Variants in MCCC1 observed in about 807,000 individuals in gnomAD.
MCCC1 encodes methylcrotonyl-CoA carboxylase subunit 1.
MCCC1 carries 64 observed loss-of-function variants against 83.8 expected under a neutral mutation model. That is an observed-to-expected ratio of 0.76 (90% CI 0.62 to 0.94). The LOEUF is 0.94. MCCC1 is among the 40% of genes least tolerant of loss of function. The pLI is 0.00. For synonymous variants in MCCC1, 322 were observed against 315.4 expected, an observed-to-expected ratio of 1.02 and a Z score of -0.22; for missense variants, 807 against 904.7, an observed-to-expected ratio of 0.89 and a Z score of 1.39.
intron 1 of MCCC1, among the ~76,000 whole-genome samples, chr3:183,105,158 A>G (rs1172740604): frequency 6.6e-6 from 1 of 152,154 alleles, no homozygotes; most frequent in Non-Finnish European, 1.5e-5. Flanking sequence ...TATCCTGACC[A>G]ACATGGAGAA....
intron 8 of MCCC1, among the ~76,000 whole-genome samples, chr3:183,052,741 C>T (rs144890624): frequency 0.025 from 3,256 of 130,834 alleles, 121 homozygotes; most frequent in African/African-American, 0.089. Context: ...CCCTGGGAGG[C>T]GGAGCTTGCA....
chr3:183,033,648 CA>C (rs879528579), intron 14 of MCCC1, among the ~76,000 whole-genome samples: 26 of 145,232 alleles, frequency 1.8e-4, no homozygotes, highest in Admixed American at 2.7e-4. Context: ...AATTGCAAAG[CA>C]AAAAAAAAAG....
chr3:183,031,902 C>G (rs1164419385), intron 14 of MCCC1, among the ~76,000 whole-genome samples: 2 of 151,748 alleles, frequency 1.3e-5, no homozygotes, highest in East Asian at 1.9e-4. Flanking sequence ...CTCCTGCCCT[C>G]AAGCAATCCT....
At chr3:183,043,657 T>C (rs554760537) in intron 10 of MCCC1, among the ~76,000 whole-genome samples, 1 of 152,282 alleles carries the variant, frequency 6.6e-6, no homozygotes, top group East Asian at 1.9e-4. Context: ...TGCCTTGAAC[T>C]CTATAAACCA....
chr3:183,067,575 T>G (rs1577323093), intron 7 of MCCC1, among the ~76,000 whole-genome samples: 1 of 152,340 alleles, frequency 6.6e-6, no homozygotes, highest in East Asian at 1.9e-4. Context: ...TCTCATCAGT[T>G]GTTTTTGAGA....
chr3:183,069,982 A>C (rs1281867308), intron 7 of MCCC1, among the ~76,000 whole-genome samples: 1 of 152,220 alleles, frequency 6.6e-6, no homozygotes, highest in Non-Finnish European at 1.5e-5. Flanking sequence ...CAGCTGAGTG[A>C]CCTCAGAAAA....
intron 4 of MCCC1, among the ~76,000 whole-genome samples, chr3:183,078,299 G>A (rs1577339447): frequency 6.6e-6 from 1 of 152,182 alleles, no homozygotes; most frequent in South Asian, 2.1e-4. Context: ...GGGATTACAG[G>A]TGTGAGCCAC....
chr3:183,095,446 ACAGGGG>A, intron 1 of MCCC1, among the ~76,000 whole-genome samples: 1 of 152,350 alleles, frequency 6.6e-6, no homozygotes, highest in South Asian at 2.1e-4. Flanking sequence ...CGGAAGTTAA[ACAGGGG>A]CAACAGAAAG....
At chr3:183,050,018 G>A (rs1714841749) in intron 9 of MCCC1, among the ~76,000 whole-genome samples, 1 of 152,132 alleles carries the variant, frequency 6.6e-6, no homozygotes, top group Non-Finnish European at 1.5e-5. Flanking sequence ...TACTTGGGAG[G>A]CTGAGGTGGG....
chr3:183,112,963 C>T (rs544171590), intron 1 of MCCC1, among the ~76,000 whole-genome samples: 7 of 151,896 alleles, frequency 4.6e-5, no homozygotes, highest in African/African-American at 1.2e-4. Context: ...CGGTGGCTCA[C>T]GCCTGTAATC....
intron 1 of MCCC1, among the ~76,000 whole-genome samples, chr3:183,111,864 T>G (rs1368112400): frequency 1.3e-5 from 2 of 152,236 alleles, no homozygotes; most frequent in Admixed American, 1.3e-4. Context: ...ATTTTTATCT[T>G]ATAATTATCC....
chr3:183,100,921 G>A (rs1342642461), upstream of MCCC1, among the ~76,000 whole-genome samples: 5 of 152,376 alleles, frequency 3.3e-5, no homozygotes, highest in African/African-American at 1.2e-4. Flanking sequence ...GGGAACTGGG[G>A]CTGTGTGCGG....
upstream of MCCC1, among the ~76,000 whole-genome samples, chr3:183,104,069 C>G (rs1183820930): frequency 6.6e-6 from 1 of 152,172 alleles, no homozygotes; most frequent in African/African-American, 2.4e-5. Context: ...TACGCCCACC[C>G]GGAACTCCAG....
chr3:183,070,413 T>C (rs977849126), intron 7 of MCCC1, among the ~76,000 whole-genome samples: 2 of 152,238 alleles, frequency 1.3e-5, no homozygotes, highest in African/African-American at 4.8e-5. Context: ...CATGGAAAGA[T>C]GTCTGTGATA....
chr3:183,036,549 T>C (rs1178415086), intron 13 of MCCC1, among the ~76,000 whole-genome samples: 1 of 149,758 alleles, frequency 6.7e-6, no homozygotes, highest in African/African-American at 2.4e-5. Flanking sequence ...TTTTTTTTTT[T>C]TTTTTTTTTA....
At chr3:183,047,619 G>T (rs1378869540) in intron 9 of MCCC1, among the ~76,000 whole-genome samples, 1 of 151,276 alleles carries the variant, frequency 6.6e-6, no homozygotes, top group Non-Finnish European at 1.5e-5. Flanking sequence ...TGTAAGCAGA[G>T]AGGTGAAAAT....
At chr3:183,087,869 C>CAAA (rs1223603175) in intron 3 of MCCC1, among the ~76,000 whole-genome samples, 2 of 51,338 alleles carry the variant, frequency 3.9e-5, no homozygotes, top group African/African-American at 1.2e-4. Context: ...GACTCCTTCT[C>CAAA]AAAAAAAAAA....
intron 7 of MCCC1, among the ~76,000 whole-genome samples, chr3:183,060,653 C>T (rs1715755410): frequency 6.6e-6 from 1 of 152,104 alleles, no homozygotes; most frequent in South Asian, 2.1e-4. Flanking sequence ...TATACATGCG[C>T]CATGTTGGTG....
intron 4 of MCCC1, among the ~76,000 whole-genome samples, chr3:183,086,069 C>T (rs58752634): frequency 0.011 from 1,703 of 152,316 alleles, 36 homozygotes; most frequent in African/African-American, 0.039. Context: ...AACATCCCCA[C>T]CCTGCCTTCA....
Sources: allele counts gnomAD v4.1 joint callset (sites outside exome capture counted in the v4.1 genomes callset), GRCh38; gene constraint gnomAD v4.1.1; transcripts MANE v1.5; gene names NCBI Gene and HGNC (gene_info 2026-07-23, HGNC 2026-07-21).